The following PGBD2 variants were observed in gnomAD, a reference collection of about 807,000 sequenced individuals.
PGBD2 encodes piggyBac transposable element-derived protein 2.
A neutral mutation model predicts 8.1 loss-of-function variants in PGBD2; 6 were observed. That is an observed-to-expected ratio of 0.74 (90% CI 0.40 to 1.46). The LOEUF (loss-of-function observed/expected upper bound fraction) is 1.46. Among genes scored for constraint, PGBD2 ranks in the 40% most tolerant of loss-of-function variants. PGBD2 has a pLI of 0.02. For missense variants in PGBD2, 802 were observed against 739.0 expected, an observed-to-expected ratio of 1.09 and a Z score of -0.99; for synonymous variants, 318 against 272.2, an observed-to-expected ratio of 1.17 and a Z score of -1.66.
chr1:248,916,474 C>T, intron 2 of PGBD2, 128 bp from the exon 3 acceptor site: 1 of 720,914 alleles, frequency 1.4e-6, no homozygotes, highest in Non-Finnish European at 2.3e-6. Context: ...AATGCGGTGC[C>T]TTGTGATGCC....
the PGBD2 span, among the ~76,000 whole-genome samples, chr1:248,881,165 A>C: frequency 1.6e-4 from 24 of 152,156 alleles, no homozygotes; most frequent in Non-Finnish European, 1.5e-5. Flanking sequence ...CAGTAGGCAA[A>C]GAGCCAGAAA....
rs1252593139 is a variant in PGBD2, at chr1:248,917,412, T to C, written c.828T>C (p.Phe276=). The C allele has an allele frequency of 6.2e-7, 1 of 1,614,072 alleles. No homozygotes were observed. The highest frequency in any genetic ancestry group is 8.5e-7 in the Non-Finnish European group (1 of 1,180,000). Residue 276 remains phenylalanine, a synonymous_variant, in exon 3 of 3, where the codon TTT becomes TTC. Transcript: ENST00000329291. ...YSFGESMCEY[F]GHRGSKQLHR... ...TTGGCGAGTCTATGTGTGAGTACTT[T>C]GGGCACCGGGGGTCCAAGCAGCTGC...
chr1:248,898,103 G>C, the PGBD2 span, among the ~76,000 whole-genome samples: 16 of 152,320 alleles, frequency 1.1e-4, no homozygotes, highest in East Asian at 1.9e-3. Flanking sequence ...CAGCCCCTTG[G>C]GGGAGGGGCA....
intron 1 of PGBD2, among the ~76,000 whole-genome samples, chr1:248,913,516 C>T (rs896360572): frequency 3.9e-5 from 6 of 152,140 alleles, no homozygotes; most frequent in Non-Finnish European, 8.8e-5. Context: ...GTTCTACTGG[C>T]ATCTATTAGT....
the PGBD2 span, among the ~76,000 whole-genome samples, chr1:248,880,865 A>G: frequency 6.6e-6 from 1 of 152,170 alleles, no homozygotes; most frequent in Non-Finnish European, 1.5e-5. Flanking sequence ...TTAATAGTCT[A>G]TCCCAATAAT....
At chr1:248,874,931 TAGATAGA>T in the PGBD2 span, among the ~76,000 whole-genome samples, 1 of 148,682 alleles carries the variant, frequency 6.7e-6, no homozygotes, top group Non-Finnish European at 1.5e-5. Flanking sequence ...GATAGATAGA[TAGATAGA>T]TAGATAGATA....
chr1:248,876,848 GT>G, the PGBD2 span, among the ~76,000 whole-genome samples: 1 of 152,010 alleles, frequency 6.6e-6, no homozygotes, highest in Non-Finnish European at 1.5e-5. Flanking sequence ...TCATATTTGG[GT>G]TTTCTAGTAA....
At chr1:248,873,019 G>A in the PGBD2 span, among the ~76,000 whole-genome samples, 1 of 151,746 alleles carries the variant, frequency 6.6e-6, no homozygotes, top group Non-Finnish European at 1.5e-5. Context: ...CTCTGTACAT[G>A]TGATTGTGCT....
At chr1:248,919,380 AC>A (rs1662236094), downstream of PGBD2, 1 of 166,320 alleles carries the variant, frequency 6.0e-6, no homozygotes, top group South Asian at 2.1e-4. Flanking sequence ...TAACATAATG[AC>A]CTCCAGTTCC....
At chr1:248,927,277 G>A in the PGBD2 span, among the ~76,000 whole-genome samples, 1 of 152,164 alleles carries the variant, frequency 6.6e-6, no homozygotes, top group Non-Finnish European at 1.5e-5. Context: ...AGGGAGGAGA[G>A]ATTCTCGCAC....
chr1:248,916,617 GA>G lies in PGBD2; in HGVS notation c.34del (p.Arg12GlufsTer7). 2 of 1,614,076 alleles carry G rather than the reference GA, an allele frequency of 1.2e-6. No individual in the cohort carries two copies. The highest frequency in any genetic ancestry group is 1.7e-6 in the Non-Finnish European group (2 of 1,179,942). On this transcript the variant is annotated frameshift_variant, in exon 3 of 3. Transcript: ENST00000329291. LOFTEE classifies it low-confidence loss of function (END_TRUNC). ...GTCATAACAGAGATGTCATTGCTGG[GA>G]GAGGTATCCACTCAAAGGTGAAGTC... The part of the protein sequence containing the change: ...ASTSRDVIAG[R>X]GIHSKVKSAK...
At chr1:248,883,369 G>A in the PGBD2 span, among the ~76,000 whole-genome samples, 4 of 152,060 alleles carry the variant, frequency 2.6e-5, no homozygotes, top group South Asian at 4.2e-4. Context: ...GTGATCCGCC[G>A]CCTCGGCCTC....
At chr1:248,903,990 G>A (rs1056864175), upstream of PGBD2, among the ~76,000 whole-genome samples, 2 of 151,968 alleles carry the variant, frequency 1.3e-5, no homozygotes, top group African/African-American at 4.8e-5. Flanking sequence ...TACACACAAA[G>A]ACATGTACAG....
At chr1:248,926,538 T>A in the PGBD2 span, among the ~76,000 whole-genome samples, 3 of 152,232 alleles carry the variant, frequency 2.0e-5, no homozygotes, top group African/African-American at 7.2e-5. Context: ...TCTTTTGGTC[T>A]AGTTTTATCA....
At chr1:248,926,612 T>G in the PGBD2 span, among the ~76,000 whole-genome samples, 6 of 152,240 alleles carry the variant, frequency 3.9e-5, no homozygotes, top group African/African-American at 1.4e-4. Context: ...ATGCCTTTTG[T>G]TTGTTATTAC....
At chr1:248,922,698 G>A (rs1287636064), downstream of PGBD2, among the ~76,000 whole-genome samples, 1 of 152,156 alleles carries the variant, frequency 6.6e-6, no homozygotes, top group Non-Finnish European at 1.5e-5. Flanking sequence ...GGCCTTTTCT[G>A]CATCTATAGA....
At chr1:248,926,116 C>G in the PGBD2 span, among the ~76,000 whole-genome samples, 1 of 151,982 alleles carries the variant, frequency 6.6e-6, no homozygotes, top group Non-Finnish European at 1.5e-5. Context: ...TGCTGCTGTT[C>G]TCTGTGGAGC....
intron 1 of PGBD2, among the ~76,000 whole-genome samples, chr1:248,908,333 A>G (rs1022658632): frequency 1.3e-5 from 2 of 152,078 alleles, no homozygotes; most frequent in African/African-American, 4.8e-5. Flanking sequence ...GAGAATGCCC[A>G]GTTGGACCTC....
At chr1:248,916,528 C>T (rs1662103193) in intron 2 of PGBD2, 74 bp from the exon 3 acceptor site, 5 of 1,308,478 alleles carry the variant, frequency 3.8e-6, no homozygotes, top group Non-Finnish European at 5.4e-6. Flanking sequence ...ATAGTGGGAG[C>T]ACCCTCCTCT....
Sources: allele counts gnomAD v4.1 joint callset (sites outside exome capture counted in the v4.1 genomes callset), GRCh38; gene constraint gnomAD v4.1.1; transcripts MANE v1.5; gene names NCBI Gene and HGNC (gene_info 2026-07-23, HGNC 2026-07-21).